CUX2: variants seen among roughly 807,000 people sequenced by gnomAD.
The protein encoded by CUX2 is cut like homeobox 2.
In CUX2, 40 loss-of-function variants were observed where a neutral mutation model predicts 144.8. The observed-to-expected ratio is 0.28, with a 90% CI of 0.21 to 0.36. CUX2 has a LOEUF of 0.36. Ranked by LOEUF, CUX2 falls within the 10% of genes least tolerant of loss-of-function variation. CUX2 has a pLI of 1.00. For synonymous variants in CUX2, 827 were observed against 875.6 expected (o/e 0.94, Z 0.98); for missense variants, 1,615 against 1,994.0 (o/e 0.81, Z 3.62).
chr12:111,058,559 G>GAC (rs1870629478), intron 1 of CUX2, among the ~76,000 whole-genome samples: 1 of 152,058 alleles, frequency 6.6e-6, no homozygotes, highest in African/African-American at 2.4e-5. Context: ...CAGAGAGAGA[G>GAC]AGAGAGAGAC....
At chr12:111,239,486 A>G (rs965783298) in intron 3 of CUX2, among the ~76,000 whole-genome samples, 1 of 152,184 alleles carries the variant, frequency 6.6e-6, no homozygotes, top group African/African-American at 2.4e-5. Flanking sequence ...CCTTAGCAGG[A>G]AACAAAAAGA....
chr12:111,250,057 G>A (rs1027998738), intron 3 of CUX2, among the ~76,000 whole-genome samples: 6 of 152,036 alleles, frequency 3.9e-5, no homozygotes, highest in Non-Finnish European at 8.8e-5. Context: ...CACTGCCATC[G>A]GGAATATTTC....
At chr12:111,103,885 C>T (rs996856106) in intron 1 of CUX2, among the ~76,000 whole-genome samples, 1 of 152,314 alleles carries the variant, frequency 6.6e-6, no homozygotes, top group South Asian at 2.1e-4. Context: ...AGGATTCTCC[C>T]CTGGCAGCTG....
intron 1 of CUX2, among the ~76,000 whole-genome samples, chr12:111,179,785 T>C (rs1300865999): frequency 6.6e-6 from 1 of 152,090 alleles, no homozygotes; most frequent in Non-Finnish European, 1.5e-5. Flanking sequence ...CAAGTGGTTC[T>C]CCTGCCTCAG....
At chr12:111,226,038 G>A (rs1458246252) in intron 3 of CUX2, among the ~76,000 whole-genome samples, 7 of 152,158 alleles carry the variant, frequency 4.6e-5, no homozygotes, top group African/African-American at 1.4e-4. Context: ...CCGCCTCCCG[G>A]GTTCAAGCAA....
chr12:111,210,071 G>A (rs1344837554), intron 1 of CUX2, among the ~76,000 whole-genome samples: 1 of 152,114 alleles, frequency 6.6e-6, no homozygotes, highest in African/African-American at 2.4e-5. Context: ...GGCCAGCAGG[G>A]GCTGGGTAGG....
At chr12:111,181,027 C>T (rs979965722) in intron 1 of CUX2, among the ~76,000 whole-genome samples, 2 of 152,204 alleles carry the variant, frequency 1.3e-5, no homozygotes, top group African/African-American at 2.4e-5. Context: ...ATCGACTGCG[C>T]CGGAATAGTC....
chr12:111,062,817 A>G (rs1238133924), intron 1 of CUX2, among the ~76,000 whole-genome samples: 1 of 152,212 alleles, frequency 6.6e-6, no homozygotes, highest in Non-Finnish European at 1.5e-5. Flanking sequence ...ATGGTAGTCC[A>G]GTTAGAGGGT....
chr12:111,301,038 C>CAAAAAA lies in CUX2; in HGVS notation c.753+2463_753+2468dup, dbSNP rs3061127. On this transcript the variant is annotated intron_variant, in intron 9 of 21. Transcript: ENST00000261726. ...TGGACAACAGAGTGAGACCCTATCTCAAAAAAAAAAAAAAAAAAATCCAGC... is the reference window on the plus strand; with the variant it reads ...TGGACAACAGAGTGAGACCCTATCTCAAAAAAAAAAAAAAAAAAAAAAAAATCCAGC... Among the ~76,000 whole-genome samples the CAAAAAA allele has an allele frequency of 1.4e-3, 144 of 106,514 alleles. 3 individuals carry two copies. The highest frequency in any genetic ancestry group is 4.2e-3 in the African/African-American group (138 of 33,030). 69.9% of individuals were successfully genotyped at this position (106,514 alleles called of 152,430 possible).
chr12:111,158,966 C>T (rs545335645), intron 1 of CUX2, among the ~76,000 whole-genome samples: 1 of 152,128 alleles, frequency 6.6e-6, no homozygotes, highest in African/African-American at 2.4e-5. Flanking sequence ...ACAGGCTGGT[C>T]GTGAACACAG....
chr12:111,215,578 C>T (rs1370861829), intron 2 of CUX2, among the ~76,000 whole-genome samples: 2 of 152,190 alleles, frequency 1.3e-5, no homozygotes, highest in Non-Finnish European at 2.9e-5. Context: ...AAAGCCAAGC[C>T]AGGCCTTTGG....
At chr12:111,309,675 T>TC (rs1178373860) in intron 14 of CUX2, among the ~76,000 whole-genome samples, 3 of 147,098 alleles carry the variant, frequency 2.0e-5, no homozygotes, top group Non-Finnish European at 1.5e-5. Flanking sequence ...CTCTGTCTCT[T>TC]CCCCCCCGAC....
At chr12:111,049,699 T>G (rs1017713196) in intron 1 of CUX2, among the ~76,000 whole-genome samples, 2 of 152,178 alleles carry the variant, frequency 1.3e-5, no homozygotes, top group African/African-American at 4.8e-5. Context: ...GAAGGCAGCC[T>G]GCCTTCAAGG....
chr12:111,155,789 C>T (rs1877333661), intron 1 of CUX2, among the ~76,000 whole-genome samples: 1 of 152,098 alleles, frequency 6.6e-6, no homozygotes, highest in South Asian at 2.1e-4. Flanking sequence ...TGTGGTTCTA[C>T]CGAATTAGCG....
chr12:111,180,806 C>A (rs1035815776), intron 1 of CUX2, among the ~76,000 whole-genome samples: 1 of 152,162 alleles, frequency 6.6e-6, no homozygotes, highest in African/African-American at 2.4e-5. Context: ...GTGAGAAGGC[C>A]GGTGGGCGAG....
At chr12:111,067,998 C>T (rs1338105378) in intron 1 of CUX2, among the ~76,000 whole-genome samples, 5 of 152,134 alleles carry the variant, frequency 3.3e-5, no homozygotes, top group African/African-American at 9.7e-5. Context: ...CCATCACGAC[C>T]CCTCTAGCAA....
At chr12:111,235,325 A>C (rs1021035506) in intron 3 of CUX2, among the ~76,000 whole-genome samples, 1 of 152,030 alleles carries the variant, frequency 6.6e-6, no homozygotes, top group Non-Finnish European at 1.5e-5. Context: ...TTTTGGATAT[A>C]TAAGGAAGGA....
chr12:111,310,108 T>C lies in CUX2; in HGVS notation c.1326T>C (p.Pro442=), dbSNP rs1886807955. 6.8e-7 allele frequency: 1 copy of C among 1,461,346 alleles called. No homozygotes were observed. The highest frequency in any genetic ancestry group is 9.0e-7 in the Non-Finnish European group (1 of 1,106,750). 90.5% of individuals were successfully genotyped at this position (1,461,346 alleles called of 1,614,324 possible). A position where few individuals can be genotyped will look rare whatever the true frequency, so the allele number is the denominator to read the frequency against. Residue 442 remains proline (P), a synonymous_variant, in exon 15 of 22, where the codon CCT becomes CCC. Transcript: ENST00000261726. This position sits in a 1 kb window ranked among gnomAD's most constrained non-coding sequence, Gnocchi z 7.9. ...GCACGGAGCAGTCCTACCCCTCCCC[T>C]CAGCAGCTCCCACCTCCACCAGGGC... is the stretch of plus-strand genomic sequence containing the variant. ...SLGTEQSYPS[P]QQLPPPPGPE...
At chr12:111,097,012 C>G (rs1002352837) in intron 1 of CUX2, among the ~76,000 whole-genome samples, 26 of 152,066 alleles carry the variant, frequency 1.7e-4, no homozygotes, top group African/African-American at 4.8e-5. Flanking sequence ...TGGGAGGCAG[C>G]TAAGATCTTG....
Sources: allele counts gnomAD v4.1 joint callset (sites outside exome capture counted in the v4.1 genomes callset), GRCh38; gene constraint gnomAD v4.1.1; non-coding constraint Gnocchi (gnomAD v3.1); transcripts MANE v1.5; gene names NCBI Gene and HGNC (gene_info 2026-07-23, HGNC 2026-07-21).